The following CADPS2 variants were observed in gnomAD, a reference collection of about 807,000 sequenced individuals.
CADPS2 encodes the protein calcium-dependent secretion activator 2.
In CADPS2, 93 loss-of-function variants were observed where a neutral mutation model predicts 172.5. The observed-to-expected ratio is 0.54, with a 90% CI of 0.46 to 0.64. CADPS2 has a LOEUF of 0.64. Among genes scored for constraint, CADPS2 ranks in the 30% least tolerant of loss-of-function variants. The pLI is 0.00. For missense variants in CADPS2, 1,420 were observed against 1,565.9 expected (o/e 0.91, Z 1.57); for synonymous variants, 546 against 555.2 (o/e 0.98, Z 0.23).
chr7:122,662,375 CTTT>C lies in CADPS2; in HGVS notation c.786+859_786+861del, dbSNP rs57852366. ...ACATGATTTTATACCTCCTTCCCTG[CTTT>C]TTTTTTTTTTTTTTTTTAAGACGAG... On this transcript the variant is annotated intron_variant, in intron 3 of 29. Coordinates refer to ENST00000449022, the MANE Select transcript of CADPS2 (RefSeq NM_017954.11). Among the ~76,000 whole-genome samples the C allele has an allele frequency of 5.8e-3, 736 of 127,714 alleles. 2 individuals are homozygous for C. The highest frequency in any genetic ancestry group is 0.015 in the African/African-American group (528 of 34,464). The allele number at this position is 127,714 out of a possible 152,430, so 83.8% of individuals were successfully genotyped here.
chr7:122,431,058 GA>G (rs1479440518), intron 17 of CADPS2, among the ~76,000 whole-genome samples: 1 of 152,192 alleles, frequency 6.6e-6, no homozygotes, highest in Non-Finnish European at 1.5e-5. Context: ...TTCCTGCCGT[GA>G]TAAGAGCAAG....
intron 6 of CADPS2, among the ~76,000 whole-genome samples, chr7:122,610,642 A>G (rs1306375321): frequency 6.6e-6 from 1 of 152,146 alleles, no homozygotes; most frequent in Non-Finnish European, 1.5e-5. Context: ...GCACAAATGT[A>G]TAAATTTACT....
rs111408630 is a variant in CADPS2, at chr7:122,677,844, A to G, written c.454-14275T>C. ...GGCTGAGCTGGAAGGGCCAATGAGT[A>G]AATGGATTGGTAAGGATTAGGCAGG... is the stretch of plus-strand genomic sequence containing the variant. On this transcript the variant is annotated intron_variant, in intron 2 of 29. Transcript: ENST00000449022. Among the ~76,000 whole-genome samples, 93 of 152,308 alleles carry G rather than the reference A, an allele frequency of 6.1e-4. 1 individual carries two copies. Among genetic ancestry groups the G allele is most frequent in the African/African-American group, 2.2e-3 (90 of 41,570 alleles).
intron 2 of CADPS2, among the ~76,000 whole-genome samples, chr7:122,707,598 C>T (rs1564131977): frequency 6.6e-6 from 1 of 151,884 alleles, no homozygotes; most frequent in South Asian, 2.1e-4. Context: ...ATTCAAAAAA[C>T]ATTTATTTTG....
chr7:122,725,875 C>G (rs538409276), intron 2 of CADPS2, among the ~76,000 whole-genome samples: 1 of 151,834 alleles, frequency 6.6e-6, no homozygotes, highest in Non-Finnish European at 1.5e-5. Context: ...AAGGTAGAAC[C>G]AACACGCCCT....
chr7:122,402,971 T>C lies in CADPS2; in HGVS notation c.2746+4569A>G, dbSNP rs545248410. On this transcript the variant is annotated intron_variant, in intron 20 of 29. Coordinates refer to ENST00000449022, the MANE Select transcript of CADPS2 (RefSeq NM_017954.11). ...TAATGCCATGGCCGCAATGTAAGAATTTCTTTTTCTTTCAAGGGGTACTAA... is the reference window on the plus strand; with the variant it reads ...TAATGCCATGGCCGCAATGTAAGAACTTCTTTTTCTTTCAAGGGGTACTAA... Among the ~76,000 whole-genome samples the C allele has an allele frequency of 1.8e-3, 273 of 152,358 alleles. 1 individual carries two copies. The highest frequency in any genetic ancestry group is 3.0e-3 in the Non-Finnish European group (201 of 68,036).
Position 122,590,554 on chromosome 7 carries a change from A to T in CADPS2, c.1224-9264T>A, listed in dbSNP as rs929885942. Among the ~76,000 whole-genome samples the T allele has an allele frequency of 8.6e-5, 13 of 152,012 alleles. No homozygotes were observed. In the South Asian group the frequency reaches 1.5e-3, roughly 17 times the overall value. ...GACTGTAAGGTTGTTTCCAGTCTTA[A>T]CCATTACAGGCAGTGCTGCAACAGA... is the stretch of plus-strand genomic sequence containing the variant. On this transcript the variant is annotated intron_variant, in intron 6 of 29. Transcript: ENST00000449022.
intron 7 of CADPS2, among the ~76,000 whole-genome samples, chr7:122,569,403 C>T (rs545647434): frequency 5.3e-5 from 8 of 152,026 alleles, no homozygotes; most frequent in East Asian, 1.9e-4. Flanking sequence ...AATGGAAGAC[C>T]ATTCCATGCT....
chr7:122,850,235 C>A (rs1813170571), intron 1 of CADPS2: 2 of 1,028,614 alleles, frequency 1.9e-6, no homozygotes, highest in Non-Finnish European at 2.6e-6. Flanking sequence ...GACCCAGAGG[C>A]CCCCTGACCC....
At chr7:122,605,250 G>T (rs561005779) in intron 6 of CADPS2, among the ~76,000 whole-genome samples, 38 of 152,096 alleles carry the variant, frequency 2.5e-4, no homozygotes, top group Middle Eastern at 3.4e-3. Context: ...GGACACTACT[G>T]CACACTACTA....
At chr7:122,728,886 A>C (rs375627532) in intron 2 of CADPS2, among the ~76,000 whole-genome samples, 1 of 151,812 alleles carries the variant, frequency 6.6e-6, no homozygotes, top group Admixed American at 6.6e-5. Context: ...AGTATTTATT[A>C]TATTACAAGT....
At chr7:122,407,212 T>C (rs1222557632) in intron 20 of CADPS2, among the ~76,000 whole-genome samples, 1 of 152,172 alleles carries the variant, frequency 6.6e-6, no homozygotes, top group African/African-American at 2.4e-5. Context: ...ATGTAAATGT[T>C]CTCAAGTACT....
intron 1 of CADPS2, among the ~76,000 whole-genome samples, chr7:122,794,239 A>G (rs757244548): frequency 7.2e-5 from 11 of 151,826 alleles, no homozygotes; most frequent in Non-Finnish European, 1.0e-4. Context: ...GGGGACACCA[A>G]TGAGTCATAG....
chr7:122,588,043 C>T (rs1019800638), intron 6 of CADPS2, among the ~76,000 whole-genome samples: 1 of 151,972 alleles, frequency 6.6e-6, no homozygotes, highest in African/African-American at 2.4e-5. Flanking sequence ...CCTTTGCCCA[C>T]TTTTAAATTT....
chr7:122,720,525 T>C (rs77706461), intron 2 of CADPS2, among the ~76,000 whole-genome samples: 3,592 of 151,318 alleles, frequency 0.024, 125 homozygotes, highest in African/African-American at 0.079. Context: ...TATACATATG[T>C]GTATGCAGAT....
chr7:122,658,759 A>C (rs1306746190), intron 3 of CADPS2, among the ~76,000 whole-genome samples: 3 of 152,180 alleles, frequency 2.0e-5, no homozygotes, highest in Non-Finnish European at 2.9e-5. Context: ...GGGAGGGGAT[A>C]GCATTAGGAG....
intron 8 of CADPS2, among the ~76,000 whole-genome samples, chr7:122,546,675 CCTT>C (rs1238206565): frequency 6.6e-6 from 1 of 152,126 alleles, no homozygotes; most frequent in Non-Finnish European, 1.5e-5. Context: ...GTTTATGTAA[CCTT>C]CTGCTCCTAA....
chr7:122,831,640 T>A (rs997957623), intron 1 of CADPS2, among the ~76,000 whole-genome samples: 2 of 152,190 alleles, frequency 1.3e-5, no homozygotes, highest in African/African-American at 4.8e-5. Context: ...TAGCTTTCCA[T>A]CTCAGCACAG....
chr7:122,532,704 T>TA (rs2061884565), intron 8 of CADPS2, among the ~76,000 whole-genome samples: 1 of 151,984 alleles, frequency 6.6e-6, no homozygotes, highest in Non-Finnish European at 1.5e-5. Flanking sequence ...TTCTGAAACT[T>TA]AAAAAAATGA....
Sources: allele counts gnomAD v4.1 joint callset (sites outside exome capture counted in the v4.1 genomes callset), GRCh38; gene constraint gnomAD v4.1.1; transcripts MANE v1.5; gene names NCBI Gene and HGNC (gene_info 2026-07-23, HGNC 2026-07-21).